The following FMNL2 variants were observed in gnomAD, a reference collection of about 807,000 sequenced individuals.
The protein encoded by FMNL2 is formin like 2.
In FMNL2, 51 loss-of-function variants were observed where a neutral mutation model predicts 130.2. That is an observed-to-expected ratio of 0.39 (90% CI 0.31 to 0.49). FMNL2 has a LOEUF of 0.49. Among genes scored for constraint, FMNL2 ranks in the 20% least tolerant of loss-of-function variants. The pLI, the probability that FMNL2 is intolerant of heterozygous loss-of-function variation, is 0.85. For synonymous variants in FMNL2, 465 were observed against 467.1 expected (o/e 1.00, Z 0.06); for missense variants, 977 against 1,316.2 (o/e 0.74, Z 3.99).
At chr2:152,366,442 A>G (rs529998766) in intron 1 of FMNL2, among the ~76,000 whole-genome samples, 1 of 128,952 alleles carries the variant, frequency 7.8e-6, no homozygotes, top group African/African-American at 3.0e-5. Flanking sequence ...GTATAATAAT[A>G]ATAAAAAAAT....
intron 1 of FMNL2, among the ~76,000 whole-genome samples, chr2:152,464,591 A>G (rs1207721359): frequency 6.6e-6 from 1 of 152,232 alleles, no homozygotes; most frequent in Admixed American, 6.5e-5. Flanking sequence ...TGTAATTTCC[A>G]TTTCACTGTC....
chr2:152,390,247 A>G, intron 1 of FMNL2: 1 of 1,453,724 alleles, frequency 6.9e-7, no homozygotes, highest in Non-Finnish European at 9.6e-7. Flanking sequence ...GTGGACATCC[A>G]GGGGCAGCAC....
intron 6 of FMNL2, among the ~76,000 whole-genome samples, chr2:152,570,173 G>A (rs1165716241): frequency 6.6e-6 from 1 of 152,084 alleles, no homozygotes. Flanking sequence ...AAAGGGTTTG[G>A]AGTAATTTGT....
At chr2:152,572,995 A>C (rs2105677368) in intron 6 of FMNL2, among the ~76,000 whole-genome samples, 1 of 152,276 alleles carries the variant, frequency 6.6e-6, no homozygotes, top group Middle Eastern at 3.4e-3. Context: ...TTTGAAAGTA[A>C]ATTTTCAGAG....
intron 5 of FMNL2, 87 bp from the exon 6 acceptor site, chr2:152,560,796 C>G: frequency 7.8e-7 from 1 of 1,285,572 alleles, no homozygotes; most frequent in Non-Finnish European, 1.0e-6. Flanking sequence ...GTGCAGATGT[C>G]TTGTAGGAAC....
intron 10 of FMNL2, among the ~76,000 whole-genome samples, chr2:152,607,996 C>T (rs1698468762): frequency 6.6e-6 from 1 of 152,284 alleles, no homozygotes; most frequent in Non-Finnish European, 1.5e-5. Flanking sequence ...GGTTCCACAG[C>T]AGTCCTGTCA....
At chr2:152,469,509 C>T (rs1408487407) in intron 1 of FMNL2, among the ~76,000 whole-genome samples, 3 of 152,174 alleles carry the variant, frequency 2.0e-5, no homozygotes, top group Non-Finnish European at 4.4e-5. Context: ...CTGACTCATG[C>T]CATTTCTTTG....
At chr2:152,495,698 C>A (rs999202225) in intron 1 of FMNL2, among the ~76,000 whole-genome samples, 1 of 141,542 alleles carries the variant, frequency 7.1e-6, no homozygotes, top group Non-Finnish European at 1.5e-5. Context: ...AGCTTTTACA[C>A]CTCCTAGTTG....
intron 4 of FMNL2, among the ~76,000 whole-genome samples, chr2:152,556,169 C>T (rs945848848): frequency 6.6e-6 from 1 of 152,138 alleles, no homozygotes; most frequent in African/African-American, 2.4e-5. Flanking sequence ...GCTCTTTTTT[C>T]ATGTCATCCA....
intron 15 of FMNL2, among the ~76,000 whole-genome samples, chr2:152,623,661 TCTC>T (rs1681533200): frequency 6.6e-6 from 1 of 152,026 alleles, no homozygotes; most frequent in Admixed American, 6.6e-5. Flanking sequence ...GCGCTGAAGT[TCTC>T]CTCCCTGTCT....
intron 1 of FMNL2, among the ~76,000 whole-genome samples, chr2:152,380,840 T>G (rs1318337794): frequency 6.6e-6 from 1 of 152,274 alleles, no homozygotes; most frequent in East Asian, 1.9e-4. Context: ...CCGTTCTAGT[T>G]TAAGAGCATG....
chr2:152,581,664 C>T lies in FMNL2; in HGVS notation c.876+615C>T, dbSNP rs575339588. Among the ~76,000 whole-genome samples, 4 of 152,286 alleles carry T rather than the reference C, an allele frequency of 2.6e-5. No homozygotes were observed. The South Asian group carries it at 8.3e-4, about 32-fold the overall frequency. ...CTGCCCCAGTGTATCCAAACATCAC[C>T]GCCTAGATAGTAGCTGCTTTCCCAC... On this transcript the variant is annotated intron_variant, in intron 9 of 25. Transcript: ENST00000288670.
chr2:152,608,465 T>C (rs1559004754), intron 10 of FMNL2, among the ~76,000 whole-genome samples: 1 of 149,862 alleles, frequency 6.7e-6, no homozygotes, highest in Non-Finnish European at 1.5e-5. Context: ...TGAAATCCTT[T>C]ATAGAGAAGA....
At chr2:152,642,981 C>A (rs1234243172) in intron 25 of FMNL2, among the ~76,000 whole-genome samples, 1 of 151,360 alleles carries the variant, frequency 6.6e-6, no homozygotes, top group Non-Finnish European at 1.5e-5. Flanking sequence ...TGCACTCCAG[C>A]CTGGGCAATA....
chr2:152,646,743 TAGC>T (rs1559039535), intron 25 of FMNL2, among the ~76,000 whole-genome samples: 1 of 152,236 alleles, frequency 6.6e-6, no homozygotes, highest in African/African-American at 2.4e-5. Flanking sequence ...GCATGTATTC[TAGC>T]AGAAGTCAAC....
intron 1 of FMNL2, among the ~76,000 whole-genome samples, chr2:152,475,206 T>C (rs993541370): frequency 2.0e-5 from 3 of 152,248 alleles, no homozygotes; most frequent in African/African-American, 7.2e-5. Flanking sequence ...TTTCTGAGAA[T>C]AGGATCTGTA....
intron 1 of FMNL2, among the ~76,000 whole-genome samples, chr2:152,336,565 C>G (rs1358706509): frequency 6.6e-6 from 1 of 152,208 alleles, no homozygotes; most frequent in Non-Finnish European, 1.5e-5. Context: ...GAAAACTCCC[C>G]TCTTTCTCCC....
At chr2:152,577,607 G>C (rs1366939810) in intron 7 of FMNL2, among the ~76,000 whole-genome samples, 1 of 152,132 alleles carries the variant, frequency 6.6e-6, no homozygotes, top group East Asian at 1.9e-4. Flanking sequence ...AGAAAAGCTG[G>C]CTAGAGAGCC....
intron 13 of FMNL2, among the ~76,000 whole-genome samples, chr2:152,618,454 A>G (rs977788473): frequency 2.0e-5 from 3 of 152,150 alleles, no homozygotes; most frequent in South Asian, 2.1e-4. Context: ...CCTTTTGTCT[A>G]TTGTTAGCTG....
Sources: gnomAD v4.1 joint callset for allele counts (sites outside exome capture counted in the v4.1 genomes callset) on GRCh38, gnomAD v4.1.1 for gene constraint, MANE v1.5 for transcripts, NCBI Gene and HGNC (gene_info 2026-07-23, HGNC 2026-07-21) for gene names.